The following NRCAM variants were observed in gnomAD, a reference collection of about 807,000 sequenced individuals.
NRCAM encodes the protein NgCAM-related cell adhesion molecule.
NRCAM carries 83 observed loss-of-function variants against 156.5 expected under a neutral mutation model. That is an observed-to-expected ratio of 0.53 (90% CI 0.44 to 0.64). NRCAM has a LOEUF of 0.64. Among genes scored for constraint, NRCAM ranks in the 30% least tolerant of loss-of-function variants. The pLI is 0.00. For missense variants in NRCAM, 1,417 were observed against 1,597.3 expected (o/e 0.89, Z 1.92); for synonymous variants, 538 against 563.9 (o/e 0.95, Z 0.65).
At chr7:108,327,666 G>T (rs2099083809) in intron 2 of NRCAM, among the ~76,000 whole-genome samples, 1 of 152,132 alleles carries the variant, frequency 6.6e-6, no homozygotes, top group Non-Finnish European at 1.5e-5. Flanking sequence ...GATGTTTCAA[G>T]AGCTAAAGCT....
intron 5 of NRCAM, among the ~76,000 whole-genome samples, chr7:108,237,304 T>C (rs2095139716): frequency 6.6e-6 from 1 of 152,134 alleles, no homozygotes; most frequent in African/African-American, 2.4e-5. Context: ...CTAGTCTACA[T>C]AGTCACGAAG....
chr7:108,385,926 G>A (rs1444928808), intron 2 of NRCAM, among the ~76,000 whole-genome samples: 7 of 140,020 alleles, frequency 5.0e-5, no homozygotes, highest in Non-Finnish European at 1.1e-4. Flanking sequence ...AGGGAGGGAG[G>A]GAGAGAGGGA....
chr7:108,415,654 G>C (rs1190321372), intron 1 of NRCAM, among the ~76,000 whole-genome samples: 1 of 152,236 alleles, frequency 6.6e-6, no homozygotes, highest in Non-Finnish European at 1.5e-5. Flanking sequence ...GCCAAGGTGG[G>C]TGGATCATCT....
intron 2 of NRCAM, among the ~76,000 whole-genome samples, chr7:108,318,070 G>C (rs2098952473): frequency 9.1e-6 from 1 of 109,800 alleles, no homozygotes; most frequent in African/African-American, 3.5e-5. Flanking sequence ...TTTTGAGACG[G>C]AGTCTCACTC....
rs772993703 is a variant in NRCAM at position 108,226,339 on chromosome 7, C to T, written c.590G>A (p.Gly197Asp). ...GGAAAAATAAAGGTCCCCATTCAAA[C>T]CTTGAGAAACTCTCTCACTTTGTGG... ...RLPQSERVSQGLNGDLYFSNV... is the reference protein window; with the variant it reads ...RLPQSERVSQDLNGDLYFSNV... Residue 197 changes from glycine to aspartate, a missense_variant, in exon 9 of 33, where the codon GGT becomes GAT. Gly to Asp is a moderately conservative substitution (Grantham distance 94). Transcript: ENST00000379028. 8 of 1,612,714 alleles carry T rather than the reference C, an allele frequency of 5.0e-6. No homozygotes were observed. The highest frequency in any genetic ancestry group is 2.7e-5 in the African/African-American group (2 of 74,860).
chr7:108,181,882 G>T lies in NRCAM; in HGVS notation c.2586C>A (p.Ala862=), dbSNP rs759321719. 1.9e-6 allele frequency: 3 copies of T among 1,613,978 alleles called. No homozygotes were observed. In the African/African-American group the frequency reaches 4.0e-5, roughly 22 times the overall value. Residue 862 remains alanine, a synonymous_variant, in exon 24 of 33, where the codon GCC becomes GCA. Transcript: ENST00000379028. ...VRVNVVNSTL[A]EVHWDPVPLK... Reference sequence around the variant, plus strand: ...GAGGTACTGGGTCCCAGTGCACCTCGGCTAAGGTACTGTTCACCACATTCA... The same window carrying T: ...GAGGTACTGGGTCCCAGTGCACCTCTGCTAAGGTACTGTTCACCACATTCA...
chr7:108,337,380 C>T (rs542398231), intron 2 of NRCAM, among the ~76,000 whole-genome samples: 7 of 152,264 alleles, frequency 4.6e-5, no homozygotes, highest in African/African-American at 1.7e-4. Context: ...ATGTTTGTTA[C>T]GGCTCGAGCT....
chr7:108,255,096 T>C (rs924714211), intron 3 of NRCAM, among the ~76,000 whole-genome samples: 7 of 152,164 alleles, frequency 4.6e-5, no homozygotes, highest in African/African-American at 1.4e-4. Flanking sequence ...GAACTACTGA[T>C]ATATGCAACA....
chr7:108,157,597 C>T (rs542219196), intron 32 of NRCAM, among the ~76,000 whole-genome samples: 1 of 152,206 alleles, frequency 6.6e-6, no homozygotes, highest in South Asian at 2.1e-4. Flanking sequence ...GGTACATGTG[C>T]AAGTTTGTTA....
At chr7:108,237,683 T>C (rs935399595) in intron 5 of NRCAM, 69 bp downstream of exon 5, 10 of 1,197,594 alleles carry the variant, frequency 8.4e-6, no homozygotes, top group Non-Finnish European at 1.2e-5. Flanking sequence ...TAAATCACAA[T>C]ATTAATTCAA....
At chr7:108,295,531 CT>C (rs2098436950) in intron 3 of NRCAM, among the ~76,000 whole-genome samples, 1 of 152,206 alleles carries the variant, frequency 6.6e-6, no homozygotes, top group South Asian at 2.1e-4. Context: ...CCCGGGGCCT[CT>C]TCCTAAAGGC....
intron 12 of NRCAM, among the ~76,000 whole-genome samples, chr7:108,208,815 G>T (rs562629048): frequency 6.6e-6 from 1 of 152,138 alleles, no homozygotes; most frequent in African/African-American, 2.4e-5. Flanking sequence ...GTACCATATG[G>T]GGGAATATAT....
At chr7:108,220,951 T>C (rs2092025749) in intron 11 of NRCAM, among the ~76,000 whole-genome samples, 1 of 152,100 alleles carries the variant, frequency 6.6e-6, no homozygotes, top group Non-Finnish European at 1.5e-5. Context: ...TCTATACATC[T>C]GACAAAGGAC....
At chr7:108,317,534 T>C (rs1222094332) in intron 2 of NRCAM, among the ~76,000 whole-genome samples, 1 of 152,204 alleles carries the variant, frequency 6.6e-6, no homozygotes, top group East Asian at 1.9e-4. Flanking sequence ...AGTGAGAAAC[T>C]ATTTTTCAAG....
rs770934943 is a variant in NRCAM, at chr7:108,194,109, A to G, written c.1693T>C (p.Phe565Leu). The change falls in exon 17 of 33, where the codon TTT becomes CTT. Residue 565 changes from phenylalanine to leucine, a missense_variant. This residue lies in a region of NRCAM where 1,238 missense variants were observed against 1,336.4 expected (regional missense o/e 0.93). Transcript: ENST00000379028. ...TGATCATGTTTCACTTTGCATTCAA[A>G]GGACACCATGCTCCCTCTTTGCACA... The part of the protein sequence containing the change: ...AVVQRGSMVS[F>L]ECKVKHDHTL... 1 of 1,614,136 alleles carries G rather than the reference A, an allele frequency of 6.2e-7. No individual in the cohort carries two copies. Among genetic ancestry groups the G allele is most frequent in the Non-Finnish European group, 8.5e-7 (1 of 1,179,968 alleles).
Position 108,150,159 on chromosome 7 carries a change from A to G in NRCAM, c.3678-12T>C, listed in dbSNP as rs1563146061. ...GGTCTTCTGCATCACTGGAAGAAAGAGAAAACATTTTTGTCAAGATTGGCA... is the reference window on the plus strand; with the variant it reads ...GGTCTTCTGCATCACTGGAAGAAAGGGAAAACATTTTTGTCAAGATTGGCA... On this transcript the variant is annotated splice_polypyrimidine_tract_variant and intron_variant, in intron 32 of 32. Transcript: ENST00000379028. 6.3e-7 allele frequency: 1 copy of G among 1,579,904 alleles called. No individual in the cohort carries two copies. The highest frequency in any genetic ancestry group is 8.6e-7 in the Non-Finnish European group (1 of 1,168,426).
chr7:108,268,112 G>A (rs544997295), intron 3 of NRCAM, among the ~76,000 whole-genome samples: 4 of 152,258 alleles, frequency 2.6e-5, no homozygotes, highest in African/African-American at 9.6e-5. Flanking sequence ...CACTTTTAAA[G>A]TGTAAACACA....
At chr7:108,289,274 A>T (rs995338955) in intron 3 of NRCAM, among the ~76,000 whole-genome samples, 1 of 152,146 alleles carries the variant, frequency 6.6e-6, no homozygotes, top group Non-Finnish European at 1.5e-5. Flanking sequence ...TAAAGCTGAC[A>T]CAAAATTGTG....
intron 2 of NRCAM, among the ~76,000 whole-genome samples, chr7:108,372,208 T>C (rs1364953799): frequency 6.6e-6 from 1 of 151,932 alleles, no homozygotes; most frequent in Non-Finnish European, 1.5e-5. Flanking sequence ...CAAAACCCCA[T>C]TCAAAACAGC....
Sources: allele counts gnomAD v4.1 joint callset (sites outside exome capture counted in the v4.1 genomes callset), GRCh38; gene constraint gnomAD v4.1.1; regional missense constraint gnomAD v4.1.1; transcripts MANE v1.5; gene names NCBI Gene and HGNC (gene_info 2026-07-23, HGNC 2026-07-21).